BABAM2: variants seen among roughly 807,000 people sequenced by gnomAD.
BABAM2 encodes BRISC and BRCA1 A complex member 2.
In BABAM2, 31 loss-of-function variants were observed where a neutral mutation model predicts 54.7. The observed-to-expected ratio is 0.57, with a 90% confidence interval of 0.43 to 0.77. The LOEUF (loss-of-function observed/expected upper bound fraction) is 0.77. BABAM2 is among the 30% of genes least tolerant of loss of function. BABAM2 has a pLI of 0.00. For synonymous variants in BABAM2, 167 were observed against 162.9 expected (o/e 1.03, Z -0.19); for missense variants, 364 against 455.8 (o/e 0.80, Z 1.83).
intron 11 of BABAM2, among the ~76,000 whole-genome samples, chr2:28,302,078 C>T (rs1284413751): frequency 6.6e-6 from 1 of 152,112 alleles, no homozygotes; most frequent in Non-Finnish European, 1.5e-5. Context: ...GTGTCTGACA[C>T]AATGAAATTT....
At chr2:28,241,643 G>C (rs1159801512) in intron 9 of BABAM2, among the ~76,000 whole-genome samples, 6 of 151,904 alleles carry the variant, frequency 3.9e-5, no homozygotes, top group African/African-American at 1.2e-4. Context: ...TATAGGCATG[G>C]GCCACCACAC....
Position 28,292,112 on chromosome 2 carries a change from G to A in BABAM2, c.935-6226G>A, listed in dbSNP as rs556528124. Among the ~76,000 whole-genome samples, 26 of 152,308 alleles carry A rather than the reference G, an allele frequency of 1.7e-4. No homozygotes were observed. In the South Asian group the frequency reaches 4.1e-3, roughly 24 times the overall value. ...AATATAACCATAACCACCACAAAGC[G>A]CATCTATGAGTATCTTCCCTGCCGA... On this transcript the variant is annotated intron_variant, in intron 10 of 11. Coordinates refer to ENST00000379624, the MANE Select transcript of BABAM2 (RefSeq NM_199191.3).
intron 7 of BABAM2, among the ~76,000 whole-genome samples, chr2:28,184,768 T>C (rs1676102200): frequency 6.6e-6 from 1 of 152,226 alleles, no homozygotes; most frequent in Non-Finnish European, 1.5e-5. Flanking sequence ...TTGTGAATAG[T>C]GCCACAATAA....
intron 7 of BABAM2, among the ~76,000 whole-genome samples, chr2:28,145,853 T>G (rs1305717718): frequency 1.3e-5 from 2 of 152,352 alleles, no homozygotes; most frequent in East Asian, 1.9e-4. Context: ...GTGACTGACT[T>G]CTTTTTTTTA....
intron 4 of BABAM2, among the ~76,000 whole-genome samples, chr2:28,014,910 A>G (rs1171661239): frequency 1.3e-5 from 2 of 152,238 alleles, no homozygotes; most frequent in Non-Finnish European, 2.9e-5. Context: ...AAGTTCAGAA[A>G]GTACCAGTGT....
intron 7 of BABAM2, among the ~76,000 whole-genome samples, chr2:28,130,287 A>G (rs1379305768): frequency 6.6e-6 from 1 of 152,166 alleles, no homozygotes; most frequent in Non-Finnish European, 1.5e-5. Context: ...TAGTTGCTCT[A>G]ATTTATAAAT....
intron 10 of BABAM2, among the ~76,000 whole-genome samples, chr2:28,254,038 G>T (rs1341894512): frequency 6.6e-6 from 1 of 152,204 alleles, no homozygotes; most frequent in African/African-American, 2.4e-5. Context: ...AGTGAATGTG[G>T]TCAGTTATAA....
At position 28,026,929 on chromosome 2, in the gene BABAM2, T is replaced by TATATATTA. The variant is rs1675852336; in HGVS notation, c.495+1515_495+1516insTAATATAT. Among the ~76,000 whole-genome samples the TATATATTA allele has an allele frequency of 1.5e-4, 2 of 13,254 alleles. 1 individual carries two copies. The highest frequency in any genetic ancestry group is 3.5e-4 in the African/African-American group (2 of 5,654). The allele number at this position is 13,254 out of a possible 152,430, so 8.7% of individuals were successfully genotyped here. Reference sequence around the variant, plus strand: ...ATAAATATATATTAATATATATAAATATATATATAAATATATATTAATATA... The same window carrying TATATATTA: ...ATAAATATATATTAATATATATAAATATATATTAATATATATAAATATATATTAATATA... On this transcript the variant is annotated intron_variant, in intron 5 of 11. Coordinates refer to ENST00000379624, the MANE Select transcript of BABAM2 (RefSeq NM_199191.3).
chr2:28,150,885 A>AC (rs200624132), intron 7 of BABAM2, among the ~76,000 whole-genome samples: 1 of 152,002 alleles, frequency 6.6e-6, no homozygotes. Flanking sequence ...TGTATTTTTT[A>AC]AAAAAAACAA....
rs367647159 is a variant in BABAM2 at position 28,303,448 on chromosome 2, C to T, written c.1088+4957C>T. ...CATTTGTTGAAAATACTTTTCTTTC[C>T]CTGTTGAATTACCTTTACATCTTTG... On this transcript the variant is annotated intron_variant, in intron 11 of 11. Transcript: ENST00000379624. 3.3e-5 allele frequency among the ~76,000 whole-genome samples: 5 copies of T among 152,082 alleles called. No homozygotes were observed. The East Asian group carries it at 7.7e-4, about 23-fold the overall frequency.
At chr2:27,908,029 T>C (rs1558577640) in intron 2 of BABAM2, among the ~76,000 whole-genome samples, 1 of 152,240 alleles carries the variant, frequency 6.6e-6, no homozygotes, top group Non-Finnish European at 1.5e-5. Context: ...TTTGCGTATA[T>C]ACCCAGAAGT....
At chr2:27,989,272 A>G (rs1232657723) in intron 4 of BABAM2, among the ~76,000 whole-genome samples, 1 of 152,162 alleles carries the variant, frequency 6.6e-6, no homozygotes, top group Non-Finnish European at 1.5e-5. Flanking sequence ...GGAGGGTGGC[A>G]TATGCTGGAT....
intron 11 of BABAM2, among the ~76,000 whole-genome samples, chr2:28,337,455 G>A (rs1691571202): frequency 1.3e-5 from 2 of 152,314 alleles, no homozygotes; most frequent in Admixed American, 1.3e-4. Context: ...CACCCCTGAT[G>A]CCTTGTACAG....
At chr2:27,963,164 C>T (rs1243705528) in intron 3 of BABAM2, among the ~76,000 whole-genome samples, 1 of 151,984 alleles carries the variant, frequency 6.6e-6, no homozygotes, top group African/African-American at 2.4e-5. Flanking sequence ...ATCGTTGTCC[C>T]AATATTTAAA....
intron 7 of BABAM2, among the ~76,000 whole-genome samples, chr2:28,213,005 G>T (rs1202170190): frequency 6.6e-6 from 1 of 152,130 alleles, no homozygotes. Context: ...GATCATTTGA[G>T]CCCAGCCAGG....
chr2:28,257,681 C>T (rs567569489), intron 10 of BABAM2, among the ~76,000 whole-genome samples: 13 of 152,060 alleles, frequency 8.5e-5, no homozygotes, highest in African/African-American at 1.2e-4. Context: ...GCCAGGAGTT[C>T]AAGACCAGCC....
rs79679369 is a variant in BABAM2 at position 28,032,875 on chromosome 2, T to A, written c.495+7455T>A. 7.8e-3 allele frequency among the ~76,000 whole-genome samples: 1,182 copies of A among 152,260 alleles called. 11 individuals are homozygous for A. The highest frequency in any genetic ancestry group is 0.027 in the African/African-American group (1,133 of 41,534). On this transcript the variant is annotated intron_variant, in intron 5 of 11. Coordinates refer to ENST00000379624, the MANE Select transcript of BABAM2 (RefSeq NM_199191.3). ...AGTTGCAAAGTAGAGATCCTGAGTA[T>A]CCTTCACTCAGTTTCCCCCAGTGGT...
At chr2:28,151,471 T>G (rs1021076747) in intron 7 of BABAM2, among the ~76,000 whole-genome samples, 2 of 152,060 alleles carry the variant, frequency 1.3e-5, no homozygotes, top group African/African-American at 4.8e-5. Context: ...TCCAGAAGAC[T>G]GAGGCAGAAG....
At position 28,322,106 on chromosome 2, in the gene BABAM2, G is replaced by A. The variant is rs1690070675; in HGVS notation, c.1089-16344G>A. 6.6e-6 allele frequency among the ~76,000 whole-genome samples: 1 copy of A among 152,082 alleles called. No homozygotes were observed. The highest frequency in any genetic ancestry group is 2.1e-4 in the South Asian group (1 of 4,830). On this transcript the variant is annotated intron_variant, in intron 11 of 11. Coordinates refer to ENST00000379624, the MANE Select transcript of BABAM2 (RefSeq NM_199191.3). The surrounding 1 kb of genome is among the most constrained non-coding windows in gnomAD (Gnocchi z 4.1). ...ATTAGGGTACTTCTGTGTCACTGAGGTGCAGCCCCAGTGAAATGAACTCAG... is the reference window on the plus strand; with the variant it reads ...ATTAGGGTACTTCTGTGTCACTGAGATGCAGCCCCAGTGAAATGAACTCAG...
Sources: gnomAD v4.1 joint callset for allele counts (sites outside exome capture counted in the v4.1 genomes callset) on GRCh38, gnomAD v4.1.1 for gene constraint, Gnocchi (gnomAD v3.1) non-coding constraint, MANE v1.5 for transcripts, NCBI Gene and HGNC (gene_info 2026-07-23, HGNC 2026-07-21) for gene names.